Variants in ASIC2 observed in about 807,000 individuals in gnomAD.
ASIC2 encodes the protein acid sensing ion channel subunit 2.
In ASIC2, 25 loss-of-function variants were observed where a neutral mutation model predicts 57.3. That is an observed-to-expected ratio of 0.44 (90% confidence interval 0.32 to 0.61). ASIC2 has a LOEUF of 0.61. Among genes scored for constraint, ASIC2 ranks in the 20% least tolerant of loss-of-function variants. The pLI is 0.06. For synonymous variants in ASIC2, 319 were observed against 307.5 expected, an observed-to-expected ratio of 1.04 and a Z score of -0.39; for missense variants, 641 against 738.1, an observed-to-expected ratio of 0.87 and a Z score of 1.52.
chr17:34,100,082 T>C (rs1444270684), intron 1 of ASIC2, among the ~76,000 whole-genome samples: 1 of 152,026 alleles, frequency 6.6e-6, no homozygotes, highest in Non-Finnish European at 1.5e-5. Context: ...CGCAAACACA[T>C]TGTCCCTGCA....
intron 1 of ASIC2, among the ~76,000 whole-genome samples, chr17:33,470,823 G>A (rs1913025099): frequency 6.6e-6 from 1 of 152,184 alleles, no homozygotes; most frequent in African/African-American, 2.4e-5. Flanking sequence ...TTCACCTGTA[G>A]TCTCTGTACT....
At chr17:33,134,796 A>G (rs1343229089) in intron 1 of ASIC2, among the ~76,000 whole-genome samples, 1 of 151,006 alleles carries the variant, frequency 6.6e-6, no homozygotes, top group Non-Finnish European at 1.5e-5. Context: ...TGAGAAGGGG[A>G]ACTCCATCAT....
chr17:33,536,393 G>A (rs1915230556), intron 1 of ASIC2, among the ~76,000 whole-genome samples: 2 of 152,190 alleles, frequency 1.3e-5, no homozygotes. Flanking sequence ...TAGAAATATT[G>A]GAAGACAGTT....
At chr17:33,156,615 G>A (rs1050675289) in intron 1 of ASIC2, among the ~76,000 whole-genome samples, 2 of 151,948 alleles carry the variant, frequency 1.3e-5, no homozygotes, top group Non-Finnish European at 2.9e-5. Context: ...AATTAGCCAG[G>A]TGTGGTGGCA....
At chr17:33,997,606 C>T (rs1189437358) in intron 1 of ASIC2, among the ~76,000 whole-genome samples, 1 of 151,946 alleles carries the variant, frequency 6.6e-6, no homozygotes. Flanking sequence ...TTATCAAATG[C>T]TTTTTCCGCA....
rs192504565 is a variant in ASIC2, at chr17:34,149,549, C to T, written c.555+6429G>A. On this transcript the variant is annotated intron_variant, in intron 1 of 9. Coordinates refer to the ASIC2 transcript ENST00000359872. ...AAACAAGCTTCAAACCCACTTTACC[C>T]AAACTCTGAAGAAGCAGTTTGACAG... is the stretch of plus-strand genomic sequence containing the variant. Among the ~76,000 whole-genome samples, 5 of 152,266 alleles carry T rather than the reference C, an allele frequency of 3.3e-5. No homozygotes were observed. In the East Asian group the frequency reaches 9.6e-4, roughly 29 times the overall value.
At chr17:33,951,809 G>T (rs575774690) in intron 1 of ASIC2, among the ~76,000 whole-genome samples, 34 of 150,894 alleles carry the variant, frequency 2.3e-4, no homozygotes, top group African/African-American at 8.3e-4. Flanking sequence ...GGCCAGGCTG[G>T]TCTTGAACTC....
At chr17:33,118,915 G>A (rs904634878) in intron 1 of ASIC2, among the ~76,000 whole-genome samples, 1 of 152,134 alleles carries the variant, frequency 6.6e-6, no homozygotes, top group African/African-American at 2.4e-5. Flanking sequence ...CCAGCCTCTG[G>A]GCTTGGTGTG....
At chr17:33,723,026 G>T (rs905089700) in intron 1 of ASIC2, among the ~76,000 whole-genome samples, 1 of 152,122 alleles carries the variant, frequency 6.6e-6, no homozygotes, top group Non-Finnish European at 1.5e-5. Flanking sequence ...GTAAAAATCT[G>T]CCAATTTTAT....
At chr17:33,468,025 G>C (rs147777210) in intron 1 of ASIC2, among the ~76,000 whole-genome samples, 2,805 of 152,288 alleles carry the variant, frequency 0.018, 88 homozygotes, top group African/African-American at 0.063. Context: ...CAGAGAGCTG[G>C]ACAGATCTCA....
intron 1 of ASIC2, among the ~76,000 whole-genome samples, chr17:34,032,034 A>T (rs1907637288): frequency 6.6e-6 from 1 of 152,198 alleles, no homozygotes; most frequent in Non-Finnish European, 1.5e-5. Context: ...ACTCCTCGAG[A>T]AGAGCAACTC....
intron 1 of ASIC2, among the ~76,000 whole-genome samples, chr17:33,902,539 G>T (rs1915252085): frequency 6.6e-6 from 1 of 152,200 alleles, no homozygotes; most frequent in Admixed American, 6.5e-5. Flanking sequence ...ACACATCTTT[G>T]TCCTTGTGGC....
intron 1 of ASIC2, among the ~76,000 whole-genome samples, chr17:33,383,585 G>A (rs1047381458): frequency 3.9e-5 from 6 of 152,166 alleles, no homozygotes; most frequent in African/African-American, 9.7e-5. Flanking sequence ...TTTGACACAC[G>A]TGGATCAATT....
At chr17:34,075,823 C>CTTT (rs57703083) in intron 1 of ASIC2, among the ~76,000 whole-genome samples, 9 of 77,546 alleles carry the variant, frequency 1.2e-4, no homozygotes, top group East Asian at 3.6e-4. Context: ...TTTCTTTTTC[C>CTTT]TTTTTTTTTT....
intron 1 of ASIC2, among the ~76,000 whole-genome samples, chr17:33,768,369 T>C (rs1242621471): frequency 6.6e-6 from 1 of 152,130 alleles, no homozygotes. Flanking sequence ...AGAATCCTTG[T>C]TTACATTATC....
intron 1 of ASIC2, among the ~76,000 whole-genome samples, chr17:33,736,817 C>A (rs966744512): frequency 1.7e-4 from 23 of 136,304 alleles, no homozygotes; most frequent in African/African-American, 5.8e-4. Context: ...AGTCCCAAAT[C>A]AAATCATACC....
At chr17:33,353,253 C>T (rs1457677956) in intron 1 of ASIC2, among the ~76,000 whole-genome samples, 5 of 152,206 alleles carry the variant, frequency 3.3e-5, no homozygotes, top group Admixed American at 1.3e-4. Flanking sequence ...CTTCCATAAT[C>T]ATGCACTGAA....
chr17:33,896,570 C>A (rs1915103909), intron 1 of ASIC2, among the ~76,000 whole-genome samples: 2 of 152,236 alleles, frequency 1.3e-5, no homozygotes, highest in South Asian at 4.1e-4. Context: ...GGGCTCAGAG[C>A]TCCTCAAGGA....
chr17:33,073,165 A>G (rs1437811087), intron 3 of ASIC2, among the ~76,000 whole-genome samples: 1 of 152,250 alleles, frequency 6.6e-6, no homozygotes, highest in Non-Finnish European at 1.5e-5. Flanking sequence ...AATGTTTGCT[A>G]CCTGTCAGCA....
Sources: allele counts gnomAD v4.1 joint callset (sites outside exome capture counted in the v4.1 genomes callset), GRCh38; gene constraint gnomAD v4.1.1; transcripts MANE v1.5; gene names NCBI Gene and HGNC (gene_info 2026-07-23, HGNC 2026-07-21).